Variants in USP49 observed in about 807,000 individuals in gnomAD.
USP49 encodes the protein ubiquitin carboxyl-terminal hydrolase 49.
A neutral mutation model predicts 58.6 loss-of-function variants in USP49; 24 were observed. That is an observed-to-expected ratio of 0.41 (90% confidence interval 0.30 to 0.58). The LOEUF (loss-of-function observed/expected upper bound fraction) is 0.58, where lower values mean the gene tolerates loss of function less well. Among genes scored for constraint, USP49 ranks in the 20% least tolerant of loss-of-function variants. The pLI, the probability that USP49 is intolerant of heterozygous loss-of-function variation, is 0.30. For missense variants in USP49, 703 were observed against 866.1 expected, an observed-to-expected ratio of 0.81 and a Z score of 2.36; for synonymous variants, 408 against 365.1, an observed-to-expected ratio of 1.12 and a Z score of -1.34.
In USP49 at chr6:41,849,933, T is replaced by C. The variant is rs186273703; in HGVS notation, c.-29+21631A>G. The stretch of plus-strand genomic sequence containing the variant: ...AGTATCTTTTCTAATGACAATGAAA[T>C]GAAACTAGAAATCAATGGCACAAGG... On this transcript the variant is annotated intron_variant, in intron 3 of 7. Coordinates refer to ENST00000682992, the MANE Select transcript of USP49 (RefSeq NM_001286554.2). Among the ~76,000 whole-genome samples the C allele has an allele frequency of 2.5e-3, 376 of 151,972 alleles. 4 individuals carry two copies. Among genetic ancestry groups the C allele is most frequent in the Non-Finnish European group, 3.9e-3 (265 of 67,978 alleles).
At chr6:41,828,065 G>A (rs1417557101) in intron 3 of USP49, among the ~76,000 whole-genome samples, 1 of 151,986 alleles carries the variant, frequency 6.6e-6, no homozygotes, top group African/African-American at 2.4e-5. Context: ...TGTATCTATT[G>A]GCTATTTTTT....
In USP49 at chr6:41,791,776, G is replaced by A. The variant is rs1215243646; in HGVS notation, c.*4757C>T. Reference sequence around the variant, plus strand: ...TAAGTACATAGTAATTAAAGTCATAGTCCTGGCCCAACAGAACAGTTACTA... The same window carrying A: ...TAAGTACATAGTAATTAAAGTCATAATCCTGGCCCAACAGAACAGTTACTA... On this transcript the variant is annotated 3_prime_UTR_variant, in exon 8 of 8. Transcript: ENST00000682992. 1 of 152,218 alleles carries A rather than the reference G, an allele frequency of 6.6e-6. No individual in the cohort carries two copies. The highest frequency in any genetic ancestry group is 6.5e-5 in the Admixed American group (1 of 15,278). 9.4% of individuals were successfully genotyped at this position (152,218 alleles called of 1,614,324 possible).
intron 2 of USP49, among the ~76,000 whole-genome samples, chr6:41,890,910 G>A (rs1332795703): frequency 6.6e-6 from 1 of 152,168 alleles, no homozygotes; most frequent in Non-Finnish European, 1.5e-5. Context: ...CTAAAAAGGT[G>A]GATGGGGAAT....
chr6:41,798,864 A>C lies in USP49; in HGVS notation c.1736T>G (p.Met579Arg). The change falls in exon 7 of 8, where the codon ATG becomes AGG. Residue 579 changes from methionine (M) to arginine (R), a missense_variant. Physicochemically the swap from Met to Arg is moderately conservative, Grantham distance 91 (BLOSUM62 -1). Coordinates refer to ENST00000682992, the MANE Select transcript of USP49 (RefSeq NM_001286554.2). ...VHVVFDQVLT[M>R]EPYCCRDMLS... Reference sequence around the variant, plus strand: ...CATGTCCCTGCAGCAGTAAGGTTCCATGGTTAATACCTGGTCAAAGACGAC... The same window carrying C: ...CATGTCCCTGCAGCAGTAAGGTTCCCTGGTTAATACCTGGTCAAAGACGAC... 1.2e-6 allele frequency: 2 copies of C among 1,614,018 alleles called. No homozygotes were observed. Among genetic ancestry groups the C allele is most frequent in the Non-Finnish European group, 1.7e-6 (2 of 1,179,974 alleles).
intron 3 of USP49, among the ~76,000 whole-genome samples, chr6:41,829,167 C>T (rs900656472): frequency 2.0e-5 from 3 of 152,098 alleles, no homozygotes; most frequent in African/African-American, 7.2e-5. Context: ...TAGGTTTAAT[C>T]ATATGAAACT....
chr6:41,796,803 G>T, intron 7 of USP49, 80 bp from the exon 8 acceptor site: 1 of 676,458 alleles, frequency 1.5e-6, no homozygotes, highest in East Asian at 2.7e-5. Context: ...AGGAGATGAA[G>T]AAAGGGACAG....
At chr6:41,827,201 C>T (rs949210699) in intron 3 of USP49, among the ~76,000 whole-genome samples, 2 of 152,176 alleles carry the variant, frequency 1.3e-5, no homozygotes, top group Admixed American at 6.5e-5. Flanking sequence ...GGGCATCATA[C>T]GTTATTCTCA....
intron 2 of USP49, among the ~76,000 whole-genome samples, chr6:41,878,042 C>G (rs1774533108): frequency 6.6e-6 from 1 of 152,114 alleles, no homozygotes; most frequent in South Asian, 2.1e-4. Flanking sequence ...AGCTGGGATG[C>G]TCATTTGTAA....
Position 41,888,578 on chromosome 6 carries a change from C to G in USP49, c.-103+3216G>C, listed in dbSNP as rs541049672. ...AAGAGATTCTCCAGCTTCAGCCTCC[C>G]GAGTAGCTGGGATTACAGGCATGCG... On this transcript the variant is annotated intron_variant, in intron 2 of 7. Transcript: ENST00000682992. Among the ~76,000 whole-genome samples, 9 of 152,120 alleles carry G rather than the reference C, an allele frequency of 5.9e-5. No homozygotes were observed. In the East Asian group the frequency reaches 7.8e-4, roughly 13 times the overall value.
At chr6:41,879,254 G>T (rs925799019) in intron 2 of USP49, among the ~76,000 whole-genome samples, 1 of 151,994 alleles carries the variant, frequency 6.6e-6, no homozygotes, top group Non-Finnish European at 1.5e-5. Context: ...TTTGAAACAG[G>T]GTCTTCCTCT....
intron 3 of USP49, among the ~76,000 whole-genome samples, chr6:41,824,227 G>A (rs1406980197): frequency 1.3e-5 from 2 of 151,956 alleles, no homozygotes; most frequent in African/African-American, 4.8e-5. Context: ...ATCTAATAAG[G>A]TGTTCATAAT....
chr6:41,872,761 CAGG>C (rs1269849479), intron 2 of USP49, among the ~76,000 whole-genome samples: 1 of 145,912 alleles, frequency 6.9e-6, no homozygotes, highest in Non-Finnish European at 1.5e-5. Flanking sequence ...AAAAAAATAG[CAGG>C]GTGTGGTGGC....
intron 3 of USP49, among the ~76,000 whole-genome samples, chr6:41,838,684 G>A (rs1271442293): frequency 6.6e-6 from 1 of 152,116 alleles, no homozygotes; most frequent in African/African-American, 2.4e-5. Context: ...AATCAGAAAA[G>A]TAATTTTGCT....
At chr6:41,820,700 T>C (rs988005525) in intron 3 of USP49, among the ~76,000 whole-genome samples, 1 of 152,038 alleles carries the variant, frequency 6.6e-6, no homozygotes, top group Non-Finnish European at 1.5e-5. Context: ...GCTTGAAATA[T>C]AACATAAAAA....
At chr6:41,857,186 C>T (rs1293041008) in intron 3 of USP49, among the ~76,000 whole-genome samples, 1 of 152,156 alleles carries the variant, frequency 6.6e-6, no homozygotes, top group African/African-American at 2.4e-5. Context: ...AGTTATTTAT[C>T]TTAGTGCTAA....
Position 41,806,881 on chromosome 6 carries a change from C to T in USP49, c.103G>A (p.Val35Met), listed in dbSNP as rs374334661. The T allele has an allele frequency of 1.4e-5, 23 of 1,613,962 alleles. No homozygotes were observed. The South Asian group carries it at 1.6e-4, about 12-fold the overall frequency. The change falls in exon 4 of 8, where the codon GTG becomes ATG. Residue 35 changes from valine to methionine, a missense_variant. Transcript: ENST00000682992. The surrounding 1 kb of genome is among the most constrained non-coding windows in gnomAD (Gnocchi z 5.9). ...TGGGAGCACTTGAGGCAGGCCCACA[C>T]GGACTCGGTGGTGGCACACTCTAAG... is the stretch of plus-strand genomic sequence containing the variant. ...CCLECATTES[V>M]WACLKCSHVA...
chr6:41,843,815 G>A (rs772386017), intron 3 of USP49, among the ~76,000 whole-genome samples: 10 of 152,022 alleles, frequency 6.6e-5, no homozygotes, highest in Admixed American at 2.0e-4. Context: ...AAGCTGCGGC[G>A]GGCAGATCAC....
At chr6:41,865,792 C>T (rs1288933076) in intron 3 of USP49, among the ~76,000 whole-genome samples, 7 of 140,696 alleles carry the variant, frequency 5.0e-5, no homozygotes, top group African/African-American at 1.9e-4. Context: ...GTGCATGCCA[C>T]CATGCCTGGC....
intron 3 of USP49, among the ~76,000 whole-genome samples, chr6:41,825,917 A>G (rs1275023357): frequency 6.6e-6 from 1 of 152,230 alleles, no homozygotes; most frequent in Non-Finnish European, 1.5e-5. Flanking sequence ...ACTTATCAAA[A>G]TATGTATCAT....
Sources: gnomAD v4.1 joint callset for allele counts (sites outside exome capture counted in the v4.1 genomes callset) on GRCh38, gnomAD v4.1.1 for gene constraint, Gnocchi (gnomAD v3.1) non-coding constraint, MANE v1.5 for transcripts, NCBI Gene and HGNC (gene_info 2026-07-23, HGNC 2026-07-21) for gene names.